The following ZHX3 variants were observed in gnomAD, a reference collection of about 807,000 sequenced individuals.
The protein encoded by ZHX3 is zinc fingers and homeoboxes protein 3.
A neutral mutation model predicts 64.5 loss-of-function variants in ZHX3; 20 were observed. The observed-to-expected ratio is 0.31, with a 90% CI of 0.22 to 0.45. The LOEUF (loss-of-function observed/expected upper bound fraction) is 0.45, where lower values mean the gene tolerates loss of function less well. Ranked by LOEUF, ZHX3 falls within the 20% of genes least tolerant of loss-of-function variation. The pLI is 1.00. For missense variants in ZHX3, 1,041 were observed against 1,195.8 expected, an observed-to-expected ratio of 0.87 and a Z score of 1.91; for synonymous variants, 423 against 461.6, an observed-to-expected ratio of 0.92 and a Z score of 1.07.
At chr20:41,220,199 C>A (rs1271335805) in intron 2 of ZHX3, among the ~76,000 whole-genome samples, 2 of 152,228 alleles carry the variant, frequency 1.3e-5, no homozygotes, top group Non-Finnish European at 2.9e-5. Context: ...CCACCTCTGT[C>A]TTCCGGGGAA....
chr20:41,276,494 A>C (rs2043388601), intron 1 of ZHX3, among the ~76,000 whole-genome samples: 1 of 152,152 alleles, frequency 6.6e-6, no homozygotes, highest in African/African-American at 2.4e-5. Flanking sequence ...GATTTGATCC[A>C]ATGTGGTAGT....
intron 1 of ZHX3, among the ~76,000 whole-genome samples, chr20:41,310,073 T>C (rs932719419): frequency 6.6e-6 from 1 of 152,188 alleles, no homozygotes; most frequent in African/African-American, 2.4e-5. Context: ...CCTAGATACC[T>C]TTAGCTATCA....
chr20:41,272,047 C>A (rs560840497), intron 1 of ZHX3: 1 of 152,116 alleles, frequency 6.6e-6, no homozygotes, highest in African/African-American at 2.4e-5. Flanking sequence ...TTTAAACAAG[C>A]TTTTTCAAAT....
Position 41,228,837 on chromosome 20 carries a change from A to G in ZHX3, c.-150-23771T>C, listed in dbSNP as rs1199412503. Among the ~76,000 whole-genome samples the G allele has an allele frequency of 1.3e-5, 2 of 152,194 alleles. No individual in the cohort carries two copies. Among genetic ancestry groups the G allele is most frequent in the Non-Finnish European group, 2.9e-5 (2 of 68,038 alleles). On this transcript the variant is annotated intron_variant, in intron 2 of 3. Coordinates refer to ENST00000683867, the MANE Select transcript of ZHX3 (RefSeq NM_001384317.1). The surrounding 1 kb of genome is among the most constrained non-coding windows in gnomAD (Gnocchi z 4.6). ...TCTCTTTTCTCTTTTCCCACATGAA[A>G]TGTTAATGGTCTCGGAAGCACTTAA...
rs528402223 is a variant in ZHX3, at chr20:41,308,447, C to A, written c.-245+9062G>T. Among the ~76,000 whole-genome samples the A allele has an allele frequency of 6.6e-5, 10 of 152,296 alleles. No homozygotes were observed. In the East Asian group the frequency reaches 1.7e-3, roughly 26 times the overall value. On this transcript the variant is annotated intron_variant, in intron 1 of 3. Coordinates refer to ENST00000683867, the MANE Select transcript of ZHX3 (RefSeq NM_001384317.1). ...GTCCAAGAGGAAATAAGAAATGGAACACATGATTGAGCAAATCAAGTTTTA... is the reference window on the plus strand; with the variant it reads ...GTCCAAGAGGAAATAAGAAATGGAAAACATGATTGAGCAAATCAAGTTTTA...
chr20:41,310,438 T>C (rs2045097211), intron 1 of ZHX3, among the ~76,000 whole-genome samples: 2 of 152,180 alleles, frequency 1.3e-5, no homozygotes, highest in Non-Finnish European at 2.9e-5. Context: ...TCATAAGGCA[T>C]CCCACCAGAA....
intron 1 of ZHX3, among the ~76,000 whole-genome samples, chr20:41,292,234 T>C (rs2146754099): frequency 6.6e-6 from 1 of 152,260 alleles, no homozygotes; most frequent in Non-Finnish European, 1.5e-5. Context: ...AGGATTCAAC[T>C]TTTGTGACAC....
chr20:41,227,461 G>A (rs1008234266), intron 2 of ZHX3, among the ~76,000 whole-genome samples: 3 of 152,126 alleles, frequency 2.0e-5, no homozygotes, highest in Non-Finnish European at 2.9e-5. Context: ...CTCCCTATTC[G>A]CATCTCAGCC....
chr20:41,256,320 G>A (rs1313157929), intron 2 of ZHX3, among the ~76,000 whole-genome samples: 1 of 151,906 alleles, frequency 6.6e-6, no homozygotes, highest in African/African-American at 2.4e-5. Flanking sequence ...CTGTTGCTGA[G>A]AAATACCCAC....
At chr20:41,221,261 C>A (rs926441433) in intron 2 of ZHX3, among the ~76,000 whole-genome samples, 1 of 152,150 alleles carries the variant, frequency 6.6e-6, no homozygotes, top group Admixed American at 6.5e-5. Context: ...CATATTTAAT[C>A]TTTCACAAAA....
intron 2 of ZHX3, among the ~76,000 whole-genome samples, chr20:41,223,590 A>ATACC: frequency 6.6e-6 from 1 of 152,366 alleles, no homozygotes; most frequent in Non-Finnish European, 1.5e-5. Flanking sequence ...TACGCTAGAA[A>ATACC]TACCTCGAGA....
chr20:41,258,673 T>A (rs2042395760), intron 2 of ZHX3, among the ~76,000 whole-genome samples: 1 of 152,252 alleles, frequency 6.6e-6, no homozygotes, highest in Non-Finnish European at 1.5e-5. Context: ...ATACATCATA[T>A]CATGGGGCTC....
chr20:41,262,047 C>A (rs1336069251), intron 2 of ZHX3, among the ~76,000 whole-genome samples: 5 of 152,188 alleles, frequency 3.3e-5, no homozygotes, highest in Non-Finnish European at 7.4e-5. Flanking sequence ...GAGGCATGCC[C>A]TAATTCCCAA....
chr20:41,186,202 A>G (rs564564819), intron 3 of ZHX3, among the ~76,000 whole-genome samples: 1 of 152,276 alleles, frequency 6.6e-6, no homozygotes, highest in East Asian at 1.9e-4. Flanking sequence ...TTTACCTTCT[A>G]TCGCTATGCC....
At chr20:41,209,786 C>A (rs961831395) in intron 2 of ZHX3, among the ~76,000 whole-genome samples, 2 of 152,146 alleles carry the variant, frequency 1.3e-5, no homozygotes, top group African/African-American at 4.8e-5. Context: ...TAGGCATGGG[C>A]AAGGACTTCA....
At chr20:41,254,235 T>G (rs902900877) in intron 2 of ZHX3, among the ~76,000 whole-genome samples, 1 of 152,192 alleles carries the variant, frequency 6.6e-6, no homozygotes, top group African/African-American at 2.4e-5. Context: ...CCTATTGTTA[T>G]TCATCTATTT....
intron 2 of ZHX3, among the ~76,000 whole-genome samples, chr20:41,207,243 C>T (rs566009161): frequency 6.6e-6 from 1 of 152,264 alleles, no homozygotes; most frequent in South Asian, 2.1e-4. Context: ...ACTGCATCAA[C>T]TAACGAGCAA....
At chr20:41,269,528 G>A (rs2043023052) in intron 1 of ZHX3, 3 of 152,192 alleles carry the variant, frequency 2.0e-5, no homozygotes, top group East Asian at 3.9e-4. Flanking sequence ...TCCAGGCCAA[G>A]GAACTGTTTT....
At chr20:41,307,645 C>T (rs913598401) in intron 1 of ZHX3, among the ~76,000 whole-genome samples, 1 of 152,148 alleles carries the variant, frequency 6.6e-6, no homozygotes, top group Non-Finnish European at 1.5e-5. Context: ...CATTAAGCAC[C>T]ATGTTGTAGT....
Sources: gnomAD v4.1 joint callset for allele counts (sites outside exome capture counted in the v4.1 genomes callset) on GRCh38, gnomAD v4.1.1 for gene constraint, Gnocchi (gnomAD v3.1) non-coding constraint, MANE v1.5 for transcripts, NCBI Gene and HGNC (gene_info 2026-07-23, HGNC 2026-07-21) for gene names.